The following CDH18 variants were observed in gnomAD, a reference collection of about 807,000 sequenced individuals.
CDH18 encodes the protein cadherin-18.
In CDH18, 31 loss-of-function variants were observed where a neutral mutation model predicts 67.9. The ratio of observed to expected loss-of-function variants is 0.46; its 90% CI spans 0.34 to 0.62. The LOEUF (loss-of-function observed/expected upper bound fraction) is 0.62, where lower values mean the gene tolerates loss of function less well. CDH18 is among the 20% of genes least tolerant of loss of function. The probability of loss-of-function intolerance (pLI) is 0.01; values close to 1 mark genes in which losing one functional copy is unlikely to be tolerated. For synonymous variants in CDH18, 362 were observed against 347.2 expected, an observed-to-expected ratio of 1.04 and a Z score of -0.48; for missense variants, 890 against 975.5, an observed-to-expected ratio of 0.91 and a Z score of 1.17.
intron 1 of CDH18, among the ~76,000 whole-genome samples, chr5:20,423,806 G>C (rs1248964641): frequency 1.3e-5 from 2 of 150,124 alleles, no homozygotes; most frequent in African/African-American, 5.0e-5. Flanking sequence ...AATTAGCCGG[G>C]CGTGGTGATG....
At chr5:19,652,974 T>C (rs1248102122) in intron 5 of CDH18, among the ~76,000 whole-genome samples, 1 of 152,148 alleles carries the variant, frequency 6.6e-6, no homozygotes, top group Non-Finnish European at 1.5e-5. Context: ...CTGAATTACC[T>C]CGACTTGGCT....
chr5:20,563,180 A>G (rs528434728), intron 1 of CDH18, among the ~76,000 whole-genome samples: 2 of 152,054 alleles, frequency 1.3e-5, no homozygotes, highest in Admixed American at 6.6e-5. Context: ...TTTATTTTTC[A>G]ATTACTTCAC....
At chr5:19,885,763 T>C (rs1237177187) in intron 2 of CDH18, among the ~76,000 whole-genome samples, 2 of 152,202 alleles carry the variant, frequency 1.3e-5, no homozygotes, top group East Asian at 3.9e-4. Flanking sequence ...AATGCAGCTC[T>C]TCTATTATTT....
At chr5:20,562,661 C>T (rs929787340) in intron 1 of CDH18, among the ~76,000 whole-genome samples, 9 of 151,234 alleles carry the variant, frequency 6.0e-5, no homozygotes, top group African/African-American at 2.2e-4. Context: ...TAGTATTTGA[C>T]CAGCCAAGAA....
chr5:20,403,885 T>C (rs1746002665), intron 1 of CDH18, among the ~76,000 whole-genome samples: 2 of 150,932 alleles, frequency 1.3e-5, no homozygotes, highest in South Asian at 2.1e-4. Flanking sequence ...TTAGATGGCA[T>C]GATGGAAGCT....
At chr5:19,987,961 G>A (rs1417944966) in intron 1 of CDH18, 125 bp downstream of exon 1, 3 of 152,196 alleles carry the variant, frequency 2.0e-5, no homozygotes, top group African/African-American at 7.2e-5. Flanking sequence ...TCGATCCTGT[G>A]AAACCCATCG....
chr5:19,755,898 G>A (rs1013499634), intron 3 of CDH18, among the ~76,000 whole-genome samples: 4 of 152,042 alleles, frequency 2.6e-5, no homozygotes, highest in African/African-American at 7.2e-5. Context: ...GGGTGGATCT[G>A]CCTTCCCCAG....
At chr5:20,478,812 T>C (rs539962456) in intron 1 of CDH18, among the ~76,000 whole-genome samples, 2 of 152,318 alleles carry the variant, frequency 1.3e-5, no homozygotes, top group African/African-American at 4.8e-5. Flanking sequence ...TTCAATGCTA[T>C]GCTGGCTTTG....
chr5:19,779,954 A>G (rs1370434626), intron 3 of CDH18, among the ~76,000 whole-genome samples: 1 of 152,184 alleles, frequency 6.6e-6, no homozygotes, highest in Non-Finnish European at 1.5e-5. Flanking sequence ...ACATGCTTCC[A>G]TATAACAATG....
At position 20,058,765 on chromosome 5, in the gene CDH18, C is replaced by T. The variant is rs1012756238; in HGVS notation, c.-517-66751G>A. Among the ~76,000 whole-genome samples the T allele has an allele frequency of 1.7e-4, 26 of 152,138 alleles. 1 individual carries two copies. The highest frequency in any genetic ancestry group is 6.0e-4 in the African/African-American group (25 of 41,510). ...GTCTCATTAGCTTTTATAAGGGTACCAACCTTATTTGTATAACTGAAAAAT... is the reference window on the plus strand; with the variant it reads ...GTCTCATTAGCTTTTATAAGGGTACTAACCTTATTTGTATAACTGAAAAAT... On this transcript the variant is annotated intron_variant, in intron 2 of 14. Transcript: ENST00000507958.
rs774408675 is a variant in CDH18 at position 20,297,328 on chromosome 5, T to C, written c.-579-41823A>G. 1.6e-4 allele frequency among the ~76,000 whole-genome samples: 24 copies of C among 152,322 alleles called. No individual in the cohort carries two copies. In the South Asian group the frequency reaches 1.9e-3, roughly 12 times the overall value. On this transcript the variant is annotated intron_variant, in intron 1 of 14. Coordinates refer to the CDH18 transcript ENST00000507958. ...CACTTAAGAAAAGGAAATTGACACATTGAGGCCAAGTCACTATCTAATGTC... is the reference window on the plus strand; with the variant it reads ...CACTTAAGAAAAGGAAATTGACACACTGAGGCCAAGTCACTATCTAATGTC...
chr5:20,349,178 C>T (rs1740952797), intron 1 of CDH18, among the ~76,000 whole-genome samples: 1 of 152,050 alleles, frequency 6.6e-6, no homozygotes, highest in South Asian at 2.1e-4. Context: ...AGGAGTAAAA[C>T]TAACTTCTAA....
At chr5:19,847,473 CTT>C (rs1783124267) in intron 2 of CDH18, among the ~76,000 whole-genome samples, 2 of 151,972 alleles carry the variant, frequency 1.3e-5, no homozygotes, top group Non-Finnish European at 2.9e-5. Context: ...TATTTAATCT[CTT>C]TGTTGATATT....
chr5:20,534,281 C>T (rs903636678), intron 1 of CDH18, among the ~76,000 whole-genome samples: 11 of 151,916 alleles, frequency 7.2e-5, no homozygotes. Flanking sequence ...AACTTCAATA[C>T]AAGTAAGTGC....
At chr5:20,299,787 AG>A (rs1467588744) in intron 1 of CDH18, among the ~76,000 whole-genome samples, 2 of 151,240 alleles carry the variant, frequency 1.3e-5, no homozygotes, top group Non-Finnish European at 1.5e-5. Flanking sequence ...AATATTCAGA[AG>A]TGGAATACTT....
chr5:20,329,872 A>G (rs944196212), intron 1 of CDH18, among the ~76,000 whole-genome samples: 4 of 151,904 alleles, frequency 2.6e-5, no homozygotes, highest in Admixed American at 6.6e-5. Flanking sequence ...AGAAAGATAC[A>G]TGTATTTCAG....
chr5:20,076,244 C>T (rs1185147647), intron 2 of CDH18, among the ~76,000 whole-genome samples: 1 of 150,914 alleles, frequency 6.6e-6, no homozygotes, highest in East Asian at 2.0e-4. Flanking sequence ...ATAATATGTA[C>T]ATTTTAACTT....
chr5:20,153,736 G>C (rs1247184079), intron 2 of CDH18, among the ~76,000 whole-genome samples: 1 of 152,056 alleles, frequency 6.6e-6, no homozygotes, highest in Non-Finnish European at 1.5e-5. Flanking sequence ...CTTTATACAT[G>C]CATCAAGAGA....
At chr5:20,414,692 G>A (rs745559494) in intron 1 of CDH18, among the ~76,000 whole-genome samples, 2 of 152,146 alleles carry the variant, frequency 1.3e-5, no homozygotes, top group Non-Finnish European at 2.9e-5. Flanking sequence ...TTAAGACATA[G>A]AAATGGCCAA....
Sources: gnomAD v4.1 joint callset for allele counts (sites outside exome capture counted in the v4.1 genomes callset) on GRCh38, gnomAD v4.1.1 for gene constraint, MANE v1.5 for transcripts, NCBI Gene and HGNC (gene_info 2026-07-23, HGNC 2026-07-21) for gene names.